HS6ST3: variants seen among roughly 807,000 people sequenced by gnomAD.
HS6ST3 encodes the protein heparan-sulfate 6-O-sulfotransferase 3.
Under a neutral mutation model 36.7 loss-of-function variants are expected in HS6ST3, and 12 were observed. The ratio of observed to expected loss-of-function variants is 0.33; its 90% confidence interval spans 0.21 to 0.53. The LOEUF is 0.53. Ranked by LOEUF, HS6ST3 falls within the 20% of genes least tolerant of loss-of-function variation. HS6ST3 has a pLI of 0.95. For missense variants in HS6ST3, 584 were observed against 640.9 expected (o/e 0.91, Z 0.96); for synonymous variants, 240 against 257.5 (o/e 0.93, Z 0.65).
intron 1 of HS6ST3, among the ~76,000 whole-genome samples, chr13:96,138,034 C>T (rs184838829): frequency 4.1e-4 from 63 of 152,142 alleles, no homozygotes; most frequent in Non-Finnish European, 7.1e-4. Context: ...AACAGTTTAC[C>T]TAATTTTGCC....
intron 1 of HS6ST3, among the ~76,000 whole-genome samples, chr13:96,626,934 G>A (rs141779600): frequency 2.6e-5 from 4 of 151,968 alleles, no homozygotes; most frequent in Middle Eastern, 6.8e-3. Context: ...CTCATACATT[G>A]TAACACTTTA....
intron 1 of HS6ST3, among the ~76,000 whole-genome samples, chr13:96,565,012 A>G (rs1209093771): frequency 6.6e-6 from 1 of 152,140 alleles, no homozygotes; most frequent in Non-Finnish European, 1.5e-5. Context: ...CTGCAGCTAC[A>G]GTACATAAAC....
rs1473417160 is a variant in HS6ST3, at chr13:96,120,284, T to C, written c.707+28715T>C. On this transcript the variant is annotated intron_variant, in intron 1 of 1. Transcript: ENST00000376705. ...CCTGGTTTCTAGAACTGGTAGACTATATATTTCTGTGGTTTTAAGCTACCC... is the reference window on the plus strand; with the variant it reads ...CCTGGTTTCTAGAACTGGTAGACTACATATTTCTGTGGTTTTAAGCTACCC... Among the ~76,000 whole-genome samples, 3 of 152,320 alleles carry C rather than the reference T, an allele frequency of 2.0e-5. 1 individual carries two copies. Among genetic ancestry groups the C allele is most frequent in the African/African-American group, 7.2e-5 (3 of 41,576 alleles).
At chr13:96,154,938 A>G (rs1427093118) in intron 1 of HS6ST3, among the ~76,000 whole-genome samples, 1 of 152,168 alleles carries the variant, frequency 6.6e-6, no homozygotes, top group Non-Finnish European at 1.5e-5. Flanking sequence ...ATTAAAGCTA[A>G]GAATATAATA....
chr13:96,442,341 A>G (rs1479007596), intron 1 of HS6ST3, among the ~76,000 whole-genome samples: 1 of 152,176 alleles, frequency 6.6e-6, no homozygotes, highest in Non-Finnish European at 1.5e-5. Flanking sequence ...TCTTTAGGAC[A>G]CAAAGGTTAA....
At chr13:96,290,924 C>A (rs1238224357) in intron 1 of HS6ST3, among the ~76,000 whole-genome samples, 1 of 152,180 alleles carries the variant, frequency 6.6e-6, no homozygotes, top group African/African-American at 2.4e-5. Context: ...ATCCTCTATC[C>A]CAGGGCCTTT....
intron 1 of HS6ST3, among the ~76,000 whole-genome samples, chr13:96,322,508 G>A (rs2055009491): frequency 6.6e-6 from 1 of 152,090 alleles, no homozygotes; most frequent in Non-Finnish European, 1.5e-5. Context: ...AGTGAGCCGA[G>A]ATTGTACTAG....
intron 1 of HS6ST3, among the ~76,000 whole-genome samples, chr13:96,443,644 A>G (rs1377234175): frequency 6.6e-6 from 1 of 152,006 alleles, no homozygotes; most frequent in East Asian, 1.9e-4. Context: ...CTATTCACTT[A>G]TTTATTGTTT....
At chr13:96,796,525 G>C (rs948445608) in intron 1 of HS6ST3, among the ~76,000 whole-genome samples, 6 of 152,064 alleles carry the variant, frequency 3.9e-5, no homozygotes, top group African/African-American at 1.4e-4. Flanking sequence ...TGGAATGTCT[G>C]TGATGATTGG....
intron 1 of HS6ST3, among the ~76,000 whole-genome samples, chr13:96,482,225 A>AATATCTAGTTACC (rs2055893247): frequency 6.6e-6 from 1 of 152,158 alleles, no homozygotes; most frequent in African/African-American, 2.4e-5. Flanking sequence ...GTTACCTATG[A>AATATCTAGTTACC]CACTGATCTT....
chr13:96,681,460 C>T (rs947837053), intron 1 of HS6ST3, among the ~76,000 whole-genome samples: 2 of 152,194 alleles, frequency 1.3e-5, no homozygotes, highest in East Asian at 3.9e-4. Context: ...ACTTACCTTC[C>T]CAAAAAGCAA....
intron 1 of HS6ST3, among the ~76,000 whole-genome samples, chr13:96,361,734 C>T (rs1029048543): frequency 3.3e-5 from 5 of 152,162 alleles, no homozygotes; most frequent in African/African-American, 1.2e-4. Flanking sequence ...CCAGTTTCTC[C>T]AACAAAACTC....
intron 1 of HS6ST3, among the ~76,000 whole-genome samples, chr13:96,510,086 TTTTTATTTTATTTTATTTTA>T (rs150117554): frequency 0.59 from 83,212 of 141,508 alleles, 26,125 homozygotes; most frequent in Non-Finnish European, 0.71. Flanking sequence ...TTCCTAGGTA[TTTTTATTTTATTTTATTTTA>T]TTTTATTTTA....
At chr13:96,112,394 T>C (rs2053872559) in intron 1 of HS6ST3, among the ~76,000 whole-genome samples, 1 of 151,174 alleles carries the variant, frequency 6.6e-6, no homozygotes, top group Non-Finnish European at 1.5e-5. Context: ...TGTTAAGGGA[T>C]AAAAGGAAGC....
chr13:96,626,327 A>T (rs1343808426), intron 1 of HS6ST3, among the ~76,000 whole-genome samples: 2 of 152,096 alleles, frequency 1.3e-5, no homozygotes, highest in African/African-American at 4.8e-5. Flanking sequence ...ATCTAATTTT[A>T]TTTTTTTAGC....
intron 1 of HS6ST3, among the ~76,000 whole-genome samples, chr13:96,181,386 G>A (rs1368527060): frequency 1.3e-5 from 2 of 152,108 alleles, no homozygotes; most frequent in South Asian, 2.1e-4. Context: ...TTGCTATTGC[G>A]TCGTGCTCTT....
At chr13:96,689,327 A>C (rs547895937) in intron 1 of HS6ST3, among the ~76,000 whole-genome samples, 23 of 152,136 alleles carry the variant, frequency 1.5e-4, no homozygotes, top group African/African-American at 5.5e-4. Flanking sequence ...TTAAATCCAA[A>C]ATGTTGGGGA....
At chr13:96,513,289 C>A (rs1286931751) in intron 1 of HS6ST3, among the ~76,000 whole-genome samples, 1 of 151,626 alleles carries the variant, frequency 6.6e-6, no homozygotes, top group Non-Finnish European at 1.5e-5. Flanking sequence ...GGGGCGAGAT[C>A]TAAAGATTCC....
intron 1 of HS6ST3, among the ~76,000 whole-genome samples, chr13:96,706,676 C>T (rs909240362): frequency 6.6e-6 from 1 of 151,852 alleles, no homozygotes; most frequent in African/African-American, 2.4e-5. Flanking sequence ...CCCCAACAAT[C>T]CATCGTCCCC....
Sources: gnomAD v4.1 joint callset for allele counts (sites outside exome capture counted in the v4.1 genomes callset) on GRCh38, gnomAD v4.1.1 for gene constraint, MANE v1.5 for transcripts, NCBI Gene and HGNC (gene_info 2026-07-23, HGNC 2026-07-21) for gene names.